Variants in AGBL4 observed in about 807,000 individuals in gnomAD.
AGBL4 encodes the protein AGBL carboxypeptidase 4.
AGBL4 carries 58 observed loss-of-function variants against 66.4 expected under a neutral mutation model. The ratio of observed to expected loss-of-function variants is 0.87; its 90% CI spans 0.71 to 1.09. The LOEUF (loss-of-function observed/expected upper bound fraction) is 1.09, where lower values mean the gene tolerates loss of function less well. Ranked by LOEUF, AGBL4 falls within the 50% of genes least tolerant of loss-of-function variation. AGBL4 has a pLI of 0.00. For missense variants in AGBL4, 579 were observed against 631.0 expected (o/e 0.92, Z 0.88); for synonymous variants, 234 against 222.9 (o/e 1.05, Z -0.44).
intron 2 of AGBL4, among the ~76,000 whole-genome samples, chr1:49,789,875 C>T (rs554122538): frequency 1.3e-5 from 2 of 152,266 alleles, no homozygotes; most frequent in South Asian, 4.1e-4. Context: ...ATAGCCAAGA[C>T]AATCCTAAGC....
intron 4 of AGBL4, among the ~76,000 whole-genome samples, chr1:49,065,512 G>A (rs1644476660): frequency 1.3e-5 from 2 of 152,202 alleles, no homozygotes; most frequent in South Asian, 4.1e-4. Context: ...GGGAATAATT[G>A]GTGAGAAGTC....
chr1:49,297,675 A>C (rs1300334880), intron 3 of AGBL4, among the ~76,000 whole-genome samples: 1 of 152,208 alleles, frequency 6.6e-6, no homozygotes, highest in African/African-American at 2.4e-5. Context: ...AAAAAGCATA[A>C]AACAGTGGCA....
At chr1:49,417,494 T>C (rs1645452355) in intron 3 of AGBL4, among the ~76,000 whole-genome samples, 1 of 152,090 alleles carries the variant, frequency 6.6e-6, no homozygotes, top group Non-Finnish European at 1.5e-5. Context: ...TCAATAGTAG[T>C]TGATTAGGAT....
intron 2 of AGBL4, among the ~76,000 whole-genome samples, chr1:49,808,670 C>T (rs1643483518): frequency 1.3e-5 from 2 of 152,054 alleles, no homozygotes; most frequent in African/African-American, 4.8e-5. Flanking sequence ...ACTTACTATT[C>T]CTAAATACTT....
intron 2 of AGBL4, among the ~76,000 whole-genome samples, chr1:49,712,137 A>G (rs1647719542): frequency 6.6e-6 from 1 of 151,996 alleles, no homozygotes; most frequent in African/African-American, 2.4e-5. Context: ...ATTGAACATG[A>G]AATAATTGTT....
At chr1:48,741,512 T>C (rs1184021183) in intron 6 of AGBL4, among the ~76,000 whole-genome samples, 1 of 152,202 alleles carries the variant, frequency 6.6e-6, no homozygotes, top group East Asian at 1.9e-4. Flanking sequence ...GCCTGGCCCA[T>C]CAGCTTTGCC....
intron 9 of AGBL4, among the ~76,000 whole-genome samples, chr1:48,607,807 A>G (rs1645175649): frequency 6.6e-6 from 1 of 152,226 alleles, no homozygotes; most frequent in South Asian, 2.1e-4. Context: ...AAGGAAAAAT[A>G]ATCTAAGTCC....
chr1:49,728,461 T>G (rs1180430724), intron 2 of AGBL4, among the ~76,000 whole-genome samples: 1 of 152,196 alleles, frequency 6.6e-6, no homozygotes, highest in Non-Finnish European at 1.5e-5. Context: ...AGCAGCCAGC[T>G]TGCAGTGCCT....
At chr1:48,986,678 A>G (rs1472529016) in intron 5 of AGBL4, among the ~76,000 whole-genome samples, 1 of 152,106 alleles carries the variant, frequency 6.6e-6, no homozygotes, top group African/African-American at 2.4e-5. Context: ...AGCTGAAAGA[A>G]AATTATGCCA....
At chr1:49,567,862 A>G (rs1324676488) in intron 3 of AGBL4, among the ~76,000 whole-genome samples, 1 of 152,220 alleles carries the variant, frequency 6.6e-6, no homozygotes, top group African/African-American at 2.4e-5. Context: ...TTAAGGACAA[A>G]AACTACATGA....
intron 5 of AGBL4, among the ~76,000 whole-genome samples, chr1:48,918,705 C>T (rs923755281): frequency 6.6e-6 from 1 of 152,128 alleles, no homozygotes; most frequent in African/African-American, 2.4e-5. Context: ...GGACTTTCAG[C>T]CCCCAGAACT....
chr1:48,961,938 T>C (rs1658023181), intron 5 of AGBL4, among the ~76,000 whole-genome samples: 1 of 152,276 alleles, frequency 6.6e-6, no homozygotes, highest in South Asian at 2.1e-4. Context: ...CAATTCTGGC[T>C]ACAAATACCA....
chr1:50,000,666 C>G (rs1313726181), intron 1 of AGBL4, among the ~76,000 whole-genome samples: 3 of 152,126 alleles, frequency 2.0e-5, no homozygotes, highest in Non-Finnish European at 4.4e-5. Context: ...AATACGGAAC[C>G]AGCCCAAATG....
intron 4 of AGBL4, among the ~76,000 whole-genome samples, chr1:49,082,794 A>G (rs1644830786): frequency 6.6e-6 from 1 of 152,238 alleles, no homozygotes; most frequent in East Asian, 1.9e-4. Context: ...TCCATAGTCC[A>G]ACATCTCATC....
chr1:49,490,594 G>A (rs1038506605), intron 3 of AGBL4, among the ~76,000 whole-genome samples: 1 of 151,750 alleles, frequency 6.6e-6, no homozygotes, highest in African/African-American at 2.4e-5. Flanking sequence ...TCTCTCAAAT[G>A]TCAGAGAACA....
intron 5 of AGBL4, among the ~76,000 whole-genome samples, chr1:49,034,707 C>G (rs1208029910): frequency 6.6e-6 from 1 of 151,992 alleles, no homozygotes; most frequent in Non-Finnish European, 1.5e-5. Context: ...AAGGGGCTTT[C>G]CCTCCTTTTG....
chr1:48,669,249 A>G (rs1646238285), intron 6 of AGBL4, among the ~76,000 whole-genome samples: 1 of 152,248 alleles, frequency 6.6e-6, no homozygotes, highest in Admixed American at 6.5e-5. Context: ...ACAAACAATA[A>G]GCAAGAGACT....
intron 2 of AGBL4, among the ~76,000 whole-genome samples, chr1:49,722,706 T>C (rs896818448): frequency 6.6e-6 from 1 of 152,148 alleles, no homozygotes; most frequent in Non-Finnish European, 1.5e-5. Flanking sequence ...CTGATTTAGC[T>C]CTATGTTTAT....
intron 4 of AGBL4, among the ~76,000 whole-genome samples, chr1:49,118,706 T>C (rs531381158): frequency 1.3e-5 from 2 of 152,256 alleles, no homozygotes; most frequent in South Asian, 2.1e-4. Flanking sequence ...ATGATGCTGG[T>C]CTCATAAAAT....
Sources: gnomAD v4.1 joint callset for allele counts (sites outside exome capture counted in the v4.1 genomes callset) on GRCh38, gnomAD v4.1.1 for gene constraint, MANE v1.5 for transcripts, NCBI Gene and HGNC (gene_info 2026-07-23, HGNC 2026-07-21) for gene names.